The following PTPRD variants were observed in gnomAD, a reference collection of about 807,000 sequenced individuals.
PTPRD encodes the protein protein tyrosine phosphatase receptor type D.
Under a neutral mutation model 214.5 loss-of-function variants are expected in PTPRD, and 34 were observed. The observed-to-expected ratio is 0.16, with a 90% CI of 0.12 to 0.21. PTPRD has a LOEUF of 0.21. Among genes scored for constraint, PTPRD ranks in the 10% least tolerant of loss-of-function variants. The pLI is 1.00. For synonymous variants in PTPRD, 1,128 were observed against 845.7 expected (o/e 1.33, Z -5.79); for missense variants, 2,545 against 2,398.7 (o/e 1.06, Z -1.27).
intron 3 of PTPRD, among the ~76,000 whole-genome samples, chr9:10,300,783 G>C (rs1013534502): frequency 1.3e-5 from 2 of 152,082 alleles, no homozygotes; most frequent in Non-Finnish European, 2.9e-5. Context: ...TTATAGATAA[G>C]ACCCCCATCT....
intron 10 of PTPRD, among the ~76,000 whole-genome samples, chr9:9,054,996 T>C (rs1305828733): frequency 6.6e-6 from 1 of 152,162 alleles, no homozygotes; most frequent in African/African-American, 2.4e-5. Context: ...CACAAAAATC[T>C]GAAAATTAAG....
chr9:8,478,369 A>G (rs1343734929), intron 30 of PTPRD, among the ~76,000 whole-genome samples: 1 of 152,224 alleles, frequency 6.6e-6, no homozygotes, highest in Admixed American at 6.5e-5. Context: ...TGTTTAAAAG[A>G]AAAAGTTGAG....
chr9:10,550,396 G>T (rs1210696735), intron 2 of PTPRD, among the ~76,000 whole-genome samples: 2 of 152,160 alleles, frequency 1.3e-5, no homozygotes, highest in South Asian at 2.1e-4. Context: ...GATGATTTGG[G>T]TGAAGTTAGT....
rs149550372 is a variant in PTPRD at position 10,050,067 on chromosome 9, C to T, written c.-544-16277G>A. ...TTAGTGCCATTCCCTATTACCAGCA[C>T]CTGGAATAATAGGTTCAAAATAAAT... is the stretch of plus-strand genomic sequence containing the variant. On this transcript the variant is annotated intron_variant, in intron 3 of 45. Coordinates refer to ENST00000381196, the MANE Select transcript of PTPRD (RefSeq NM_002839.4). Among the ~76,000 whole-genome samples the T allele has an allele frequency of 4.0e-3, 614 of 152,056 alleles. 5 individuals are homozygous for T. The highest frequency in any genetic ancestry group is 0.013 in the African/African-American group (555 of 41,470).
chr9:10,192,132 T>A (rs1046811456), intron 3 of PTPRD, among the ~76,000 whole-genome samples: 3 of 152,140 alleles, frequency 2.0e-5, no homozygotes, highest in Admixed American at 1.3e-4. Context: ...AGAAACTTTG[T>A]GAAAAGTATC....
intron 10 of PTPRD, among the ~76,000 whole-genome samples, chr9:9,079,647 G>C (rs931836345): frequency 1.3e-5 from 2 of 152,052 alleles, no homozygotes; most frequent in African/African-American, 4.8e-5. Context: ...TTAGCTGTCG[G>C]TCTCATATCT....
At chr9:9,945,647 A>G (rs916796089) in intron 4 of PTPRD, among the ~76,000 whole-genome samples, 2 of 152,162 alleles carry the variant, frequency 1.3e-5, no homozygotes, top group Non-Finnish European at 2.9e-5. Context: ...CTCTAGTAAA[A>G]TTGGAGGAGG....
Position 8,337,873 on chromosome 9 carries a change from A to AT in PTPRD, c.5379+1048dup, listed in dbSNP as rs1554721263. On this transcript the variant is annotated intron_variant, in intron 43 of 45. Coordinates refer to ENST00000381196, the MANE Select transcript of PTPRD (RefSeq NM_002839.4). The stretch of plus-strand genomic sequence containing the variant: ...TAGCTTCAAATTCTGAAAGAGCACT[A>AT]TTTTTTTTTTTTTTAAACGGTGGGG... Among the ~76,000 whole-genome samples the AT allele has an allele frequency of 8.1e-3, 1,168 of 143,870 alleles. 7 individuals carry two copies. The highest frequency in any genetic ancestry group is 0.011 in the Middle Eastern group (3 of 272). 94.4% of individuals were successfully genotyped at this position (143,870 alleles called of 152,430 possible).
chr9:9,352,358 T>C (rs1275702135), intron 9 of PTPRD, among the ~76,000 whole-genome samples: 4 of 137,656 alleles, frequency 2.9e-5, no homozygotes, highest in African/African-American at 7.6e-5. Flanking sequence ...TGTGTGTATA[T>C]ATGTGTGTGT....
intron 6 of PTPRD, among the ~76,000 whole-genome samples, chr9:9,753,475 G>T (rs1596797689): frequency 6.6e-6 from 1 of 152,000 alleles, no homozygotes; most frequent in African/African-American, 2.4e-5. Context: ...AGGCTAATGT[G>T]GGGAGTGACT....
At position 8,944,042 on chromosome 9, in the gene PTPRD, C is replaced by A. The variant is rs1041979298; in HGVS notation, c.-104+74655G>T. 4.0e-5 allele frequency among the ~76,000 whole-genome samples: 6 copies of A among 151,710 alleles called. 1 individual carries two copies. The highest frequency in any genetic ancestry group is 4.2e-4 in the South Asian group (2 of 4,808). ...AACCAGAATATGTAAGGAGCTCAAA[C>A]AACTAAGTAGGAAAAAAAAATCTAG... On this transcript the variant is annotated intron_variant, in intron 11 of 45. Coordinates refer to ENST00000381196, the MANE Select transcript of PTPRD (RefSeq NM_002839.4).
chr9:8,825,299 A>G (rs938649088), intron 11 of PTPRD, among the ~76,000 whole-genome samples: 9 of 152,236 alleles, frequency 5.9e-5, no homozygotes, highest in African/African-American at 2.2e-4. Flanking sequence ...CTTAAAGGAA[A>G]GTACACCATT....
intron 9 of PTPRD, among the ~76,000 whole-genome samples, chr9:9,195,616 C>G (rs1383551500): frequency 1.3e-5 from 2 of 151,390 alleles, no homozygotes; most frequent in Non-Finnish European, 2.9e-5. Flanking sequence ...AACTTGAAAC[C>G]TTTCATTTGA....
chr9:9,181,322 T>C (rs2099928073), intron 10 of PTPRD, among the ~76,000 whole-genome samples: 1 of 152,014 alleles, frequency 6.6e-6, no homozygotes. Flanking sequence ...AAAAAAGCCT[T>C]TTCTCTAGGT....
intron 11 of PTPRD, among the ~76,000 whole-genome samples, chr9:8,989,021 T>C (rs2099356176): frequency 6.6e-6 from 1 of 152,084 alleles, no homozygotes; most frequent in African/African-American, 2.4e-5. Flanking sequence ...ATTTCATAAT[T>C]AATATTAGTA....
intron 10 of PTPRD, among the ~76,000 whole-genome samples, chr9:9,088,672 G>A (rs983250107): frequency 4.8e-5 from 7 of 145,810 alleles, no homozygotes; most frequent in Admixed American, 6.8e-5. Context: ...TTAACACAGA[G>A]TACTCCATAT....
chr9:8,905,730 C>T (rs1057150805), intron 11 of PTPRD, among the ~76,000 whole-genome samples: 7 of 138,332 alleles, frequency 5.1e-5, no homozygotes, highest in African/African-American at 2.0e-4. Flanking sequence ...CAGAGTGAGA[C>T]TCCCTCGCAA....
At chr9:9,040,133 C>T (rs1230126937) in intron 10 of PTPRD, among the ~76,000 whole-genome samples, 2 of 152,134 alleles carry the variant, frequency 1.3e-5, no homozygotes, top group Admixed American at 6.5e-5. Flanking sequence ...TTAATCTTTA[C>T]AAGCCCATGC....
intron 11 of PTPRD, among the ~76,000 whole-genome samples, chr9:8,926,359 G>C (rs866546961): frequency 6.6e-6 from 1 of 152,088 alleles, no homozygotes; most frequent in Non-Finnish European, 1.5e-5. Flanking sequence ...GACAATAGGA[G>C]TAAAATATAA....
Sources: allele counts gnomAD v4.1 joint callset (sites outside exome capture counted in the v4.1 genomes callset), GRCh38; gene constraint gnomAD v4.1.1; transcripts MANE v1.5; gene names NCBI Gene and HGNC (gene_info 2026-07-23, HGNC 2026-07-21).